AFF1: variants seen among roughly 807,000 people sequenced by gnomAD.
AFF1 encodes the protein AF4/FMR2 family member 1.
AFF1 carries 48 observed loss-of-function variants against 121.7 expected under a neutral mutation model. That is an observed-to-expected ratio of 0.39 (90% CI 0.31 to 0.50). The LOEUF is 0.50. AFF1 is among the 20% of genes least tolerant of loss of function. The probability of loss-of-function intolerance (pLI) is 0.76; values close to 1 mark genes in which losing one functional copy is unlikely to be tolerated. For synonymous variants in AFF1, 613 were observed against 563.0 expected (o/e 1.09, Z -1.26); for missense variants, 1,523 against 1,511.7 (o/e 1.01, Z -0.12).
chr4:87,030,405 C>A (rs1728954972), intron 2 of AFF1, among the ~76,000 whole-genome samples: 1 of 152,192 alleles, frequency 6.6e-6, no homozygotes, highest in African/African-American at 2.4e-5. Flanking sequence ...GTTTGCCAAT[C>A]CCTGGACTAG....
At chr4:87,122,086 C>T (rs1038817523) in intron 12 of AFF1, among the ~76,000 whole-genome samples, 2 of 152,262 alleles carry the variant, frequency 1.3e-5, no homozygotes, top group East Asian at 1.9e-4. Context: ...CTGGAAATAC[C>T]TTTCATTTAA....
chr4:87,086,183 T>G (rs1435134541), intron 5 of AFF1, among the ~76,000 whole-genome samples: 1 of 152,236 alleles, frequency 6.6e-6, no homozygotes, highest in South Asian at 2.1e-4. Context: ...GTAAACATAC[T>G]AAGGAATTTA....
chr4:87,027,330 G>A (rs1053886122), intron 2 of AFF1, among the ~76,000 whole-genome samples: 5 of 152,232 alleles, frequency 3.3e-5, no homozygotes, highest in South Asian at 2.1e-4. Flanking sequence ...GTGCATGCAC[G>A]GATACACATG....
At chr4:87,006,426 T>G (rs1167190025) in intron 2 of AFF1, among the ~76,000 whole-genome samples, 3 of 152,242 alleles carry the variant, frequency 2.0e-5, no homozygotes, top group Non-Finnish European at 4.4e-5. Flanking sequence ...TTTGTTTGCT[T>G]CTTGTCAATC....
intron 12 of AFF1, among the ~76,000 whole-genome samples, chr4:87,116,615 G>A (rs1018926808): frequency 5.9e-5 from 9 of 152,212 alleles, no homozygotes; most frequent in Non-Finnish European, 1.0e-4. Flanking sequence ...AATCCAGTGC[G>A]TTAAAAATAT....
chr4:87,097,180 C>T (rs1266815339), intron 8 of AFF1, among the ~76,000 whole-genome samples: 4 of 152,126 alleles, frequency 2.6e-5, no homozygotes, highest in South Asian at 2.1e-4. Context: ...CAGGAAGGGA[C>T]GTTAAAGCCT....
chr4:87,013,351 A>G lies in AFF1; in HGVS notation c.39-32815A>G, dbSNP rs1726992446. ...CACCCTGTCCGGCTGAACTGCTATC[A>G]AGTTCTTAAGGCTATTGCTGGGAGC... On this transcript the variant is annotated intron_variant, in intron 2 of 20. Transcript: ENST00000395146. Among the ~76,000 whole-genome samples, 5 of 152,116 alleles carry G rather than the reference A, an allele frequency of 3.3e-5. No individual in the cohort carries two copies. The South Asian group carries it at 1.0e-3, about 32-fold the overall frequency.
At chr4:87,070,539 T>C (rs1721925390) in intron 4 of AFF1, among the ~76,000 whole-genome samples, 1 of 152,272 alleles carries the variant, frequency 6.6e-6, no homozygotes, top group African/African-American at 2.4e-5. Context: ...ACTGAAAATA[T>C]TGGCAGCTTC....
intron 8 of AFF1, among the ~76,000 whole-genome samples, chr4:87,102,503 T>C (rs968049315): frequency 6.6e-6 from 1 of 152,160 alleles, no homozygotes; most frequent in Non-Finnish European, 1.5e-5. Context: ...GGTGGCTGTT[T>C]TCCTCATCCT....
chr4:87,071,627 G>A (rs1233435039), intron 4 of AFF1, among the ~76,000 whole-genome samples: 1 of 152,170 alleles, frequency 6.6e-6, no homozygotes, highest in Non-Finnish European at 1.5e-5. Flanking sequence ...TGTGCCAGGT[G>A]GATGAAGTAG....
At chr4:87,076,912 A>G (rs943819589) in intron 4 of AFF1, among the ~76,000 whole-genome samples, 3 of 152,246 alleles carry the variant, frequency 2.0e-5, no homozygotes, top group Non-Finnish European at 2.9e-5. Flanking sequence ...CTCTGTGTCT[A>G]TAGAACACAA....
chr4:87,046,353 T>C, intron 3 of AFF1, 67 bp downstream of exon 3: 1 of 1,561,784 alleles, frequency 6.4e-7, no homozygotes, highest in Non-Finnish European at 8.7e-7. Flanking sequence ...GATGAAACAA[T>C]TCAGTATAAT....
At chr4:87,007,459 T>C (rs1726275538) in intron 2 of AFF1, 1 of 1,613,826 alleles carries the variant, frequency 6.2e-7, no homozygotes. Flanking sequence ...TTCAAACGCG[T>C]TCGTGGCGAG....
intron 2 of AFF1, among the ~76,000 whole-genome samples, chr4:87,018,231 TTAGA>T (rs1217843347): frequency 6.6e-6 from 1 of 152,224 alleles, no homozygotes; most frequent in Non-Finnish European, 1.5e-5. Context: ...CTGAGTTGGT[TTAGA>T]TAAATACACT....
chr4:87,140,001 C>T lies in AFF1; in HGVS notation c.*4300C>T, dbSNP rs1054699330. On this transcript the variant is annotated 3_prime_UTR_variant, in exon 21 of 21. Coordinates refer to ENST00000395146, the MANE Select transcript of AFF1 (RefSeq NM_001166693.3). ...TGACATTATATTCTGTTCCACTGAA[C>T]GTCAGAGATCAGCAGGCACTGTACT... is the stretch of plus-strand genomic sequence containing the variant. The T allele has an allele frequency of 2.4e-5, 5 of 206,516 alleles. No individual in the cohort carries two copies. The highest frequency in any genetic ancestry group is 9.1e-5 in the African/African-American group (4 of 43,718). 12.8% of individuals were successfully genotyped at this position (206,516 alleles called of 1,614,324 possible). A position where few individuals can be genotyped will look rare whatever the true frequency, so the allele number is the denominator to read the frequency against.
rs549085895 is a variant in AFF1 at position 87,006,897 on chromosome 4, C to A, written c.39-39269C>A. On this transcript the variant is annotated intron_variant, in intron 2 of 20. Transcript: ENST00000395146. ...TGCCTTTGGCTAGGGCCGCCGAGCG[C>A]CCTGCCCATTTAAGTAGGCGGGCCG... is the stretch of plus-strand genomic sequence containing the variant. The A allele has an allele frequency of 2.2e-3, 2,083 of 954,194 alleles. 8 individuals are homozygous for A. The highest frequency in any genetic ancestry group is 3.1e-3 in the Admixed American group (53 of 16,898). 59.1% of individuals were successfully genotyped at this position (954,194 alleles called of 1,614,324 possible). A position where few individuals can be genotyped will look rare whatever the true frequency, so the allele number is the denominator to read the frequency against.
chr4:87,027,575 G>T (rs1170167594), intron 2 of AFF1, among the ~76,000 whole-genome samples: 1 of 152,150 alleles, frequency 6.6e-6, no homozygotes, highest in Non-Finnish European at 1.5e-5. Context: ...GGCACACAAC[G>T]ATCCTACCAC....
At chr4:87,083,269 G>C (rs1215410389) in intron 4 of AFF1, among the ~76,000 whole-genome samples, 2 of 152,174 alleles carry the variant, frequency 1.3e-5, no homozygotes, top group Admixed American at 1.3e-4. Context: ...ATTAGGAAGA[G>C]GTAGAAATAG....
intron 2 of AFF1, among the ~76,000 whole-genome samples, chr4:87,045,333 G>T (rs1280125502): frequency 6.6e-6 from 1 of 152,108 alleles, no homozygotes; most frequent in East Asian, 1.9e-4. Flanking sequence ...TACATTGCGT[G>T]TGAGGGCTGG....
Sources: gnomAD v4.1 joint callset for allele counts (sites outside exome capture counted in the v4.1 genomes callset) on GRCh38, gnomAD v4.1.1 for gene constraint, MANE v1.5 for transcripts, NCBI Gene and HGNC (gene_info 2026-07-23, HGNC 2026-07-21) for gene names.